RUBCN: variants seen among roughly 807,000 people sequenced by gnomAD.
RUBCN encodes rubicon autophagy regulator, also known as run domain Beclin-1-interacting and cysteine-rich domain-containing protein.
Under a neutral mutation model 113.2 loss-of-function variants are expected in RUBCN, and 74 were observed. The observed-to-expected ratio is 0.65, with a 90% confidence interval of 0.54 to 0.79. The LOEUF is 0.79. RUBCN is among the 30% of genes least tolerant of loss of function. The pLI, the probability that RUBCN is intolerant of heterozygous loss-of-function variation, is 0.00. For missense variants in RUBCN, 1,109 were observed against 1,251.7 expected (o/e 0.89, Z 1.72); for synonymous variants, 480 against 490.0 (o/e 0.98, Z 0.27).
upstream of RUBCN, among the ~76,000 whole-genome samples, chr3:197,737,723 T>G (rs1258858989): frequency 1.3e-5 from 2 of 152,136 alleles, no homozygotes; most frequent in East Asian, 3.8e-4. Context: ...AAGCCACTTT[T>G]GACAATGTGG....
chr3:197,701,331 T>A (rs1723643600), intron 6 of RUBCN, among the ~76,000 whole-genome samples, 185 bp from the exon 7 acceptor site: 1 of 152,214 alleles, frequency 6.6e-6, no homozygotes, highest in South Asian at 2.1e-4. Flanking sequence ...TTATTGCTTA[T>A]TAGTATGCAT....
chr3:197,669,189 G>A lies in RUBCN; in HGVS notation c.*5829C>T, dbSNP rs536856792. On this transcript the variant is annotated 3_prime_UTR_variant, in exon 20 of 20. Transcript: ENST00000296343. ...TACCATCTTACATTACTGTAGTACTGGACATTTCCCAAAACTAAGGAACCA... is the reference window on the plus strand; with the variant it reads ...TACCATCTTACATTACTGTAGTACTAGACATTTCCCAAAACTAAGGAACCA... Among the ~76,000 whole-genome samples the A allele has an allele frequency of 5.9e-5, 9 of 152,212 alleles. No individual in the cohort carries two copies. In the South Asian group the frequency reaches 1.9e-3, roughly 32 times the overall value.
At chr3:197,678,515 C>T (rs1289122015) in intron 16 of RUBCN, among the ~76,000 whole-genome samples, 12 of 149,762 alleles carry the variant, frequency 8.0e-5, no homozygotes, top group Non-Finnish European at 1.6e-4. Context: ...GACTGTCCTA[C>T]GCTCTAACAA....
At chr3:197,693,897 C>G (rs1320720419) in intron 10 of RUBCN, 81 bp from the exon 11 acceptor site, 1 of 894,940 alleles carries the variant, frequency 1.1e-6, no homozygotes, top group Non-Finnish European at 1.9e-6. Context: ...TATAAGGGAT[C>G]TGATATGACC....
In RUBCN at chr3:197,724,486, T is replaced by A. The variant is rs114458338; in HGVS notation, c.66-6356A>T. Among the ~76,000 whole-genome samples the A allele has an allele frequency of 4.2e-3, 646 of 152,330 alleles. 5 individuals carry two copies. Among genetic ancestry groups the A allele is most frequent in the Non-Finnish European group, 7.8e-3 (529 of 68,024 alleles). On this transcript the variant is annotated intron_variant, in intron 1 of 19. Coordinates refer to ENST00000296343, the MANE Select transcript of RUBCN (RefSeq NM_014687.4). ...GGTAAGAAATAGATACTGGTCTATC[T>A]TCAATCCCCAAATACTCTTTTTAGT...
In RUBCN at chr3:197,670,178, T is replaced by G. The variant is rs1216455547; in HGVS notation, c.*4840A>C. Among the ~76,000 whole-genome samples the G allele has an allele frequency of 6.6e-6, 1 of 152,260 alleles. No homozygotes were observed. Among genetic ancestry groups the G allele is most frequent in the Non-Finnish European group, 1.5e-5 (1 of 68,044 alleles). Reference sequence around the variant, plus strand: ...CTGGGATTACAGGCGTGAGCCACTGTGTGCGGCTCACTATCATAATTTTTA... The same window carrying G: ...CTGGGATTACAGGCGTGAGCCACTGGGTGCGGCTCACTATCATAATTTTTA... On this transcript the variant is annotated 3_prime_UTR_variant, in exon 20 of 20. Transcript: ENST00000296343.
intron 2 of RUBCN, among the ~76,000 whole-genome samples, chr3:197,717,244 C>A (rs1379289912): frequency 6.6e-6 from 1 of 151,894 alleles, no homozygotes; most frequent in Non-Finnish European, 1.5e-5. Context: ...ACCACTGAGA[C>A]CATCCTGGCT....
At position 197,681,135 on chromosome 3, in the gene RUBCN, T is replaced by G. The variant is rs764138486; in HGVS notation, c.2424A>C (p.Gln808His). 3.0e-5 allele frequency: 48 copies of G among 1,611,118 alleles called. No homozygotes were observed. The highest frequency in any genetic ancestry group is 3.9e-5 in the Non-Finnish European group (46 of 1,177,556). ...ALYRKVKLLN[Q>H]VRLLRVQLCH... Reference sequence around the variant, plus strand: ...GCCTTTTCCAAGGTCTTACCCGGACTTGATTGAGCAGCTTGACCTTCCTAT... The same window carrying G: ...GCCTTTTCCAAGGTCTTACCCGGACGTGATTGAGCAGCTTGACCTTCCTAT... The change falls in exon 16 of 20, where the codon CAA becomes CAC. Residue 808 changes from glutamine to histidine, a missense_variant. Physicochemically the swap from Gln to His is conservative, Grantham distance 24. This residue lies in a region of RUBCN where 306 missense variants were observed against 348.9 expected (regional missense o/e 0.88). Coordinates refer to ENST00000296343, the MANE Select transcript of RUBCN (RefSeq NM_014687.4). This position sits in a 1 kb window ranked among gnomAD's most constrained non-coding sequence, Gnocchi z 5.5.
chr3:197,748,487 A>G (rs565334800), intron 1 of RUBCN: 3 of 152,290 alleles, frequency 2.0e-5, no homozygotes, highest in African/African-American at 7.2e-5. Flanking sequence ...ACCTTTGAGA[A>G]TAAGAAGTTA....
At chr3:197,740,537 G>GCAA (rs1728485098), upstream of RUBCN, among the ~76,000 whole-genome samples, 5 of 152,188 alleles carry the variant, frequency 3.3e-5, no homozygotes, top group African/African-American at 4.8e-5. Context: ...ACCATAATTG[G>GCAA]ATAATAGTAC....
chr3:197,713,968 C>CG (rs1236186768), intron 2 of RUBCN, among the ~76,000 whole-genome samples: 1 of 151,590 alleles, frequency 6.6e-6, no homozygotes, highest in Non-Finnish European at 1.5e-5. Context: ...CCCAGCTACT[C>CG]GGGAGGCTGA....
Position 197,690,394 on chromosome 3 carries a change from C to T in RUBCN, c.1786+3321G>A, listed in dbSNP as rs536671356. ...CAGAGGTTGCAGTGAGCCGAGATTG[C>T]GCCATTGCACTCCAGCATGGGCAAC... On this transcript the variant is annotated intron_variant, in intron 11 of 19. Transcript: ENST00000296343. Among the ~76,000 whole-genome samples the T allele has an allele frequency of 1.1e-4, 16 of 152,262 alleles. No homozygotes were observed. The South Asian group carries it at 2.7e-3, about 26-fold the overall frequency.
chr3:197,712,735 A>C (rs1725092049), intron 2 of RUBCN, among the ~76,000 whole-genome samples: 2 of 152,338 alleles, frequency 1.3e-5, no homozygotes, highest in Admixed American at 6.5e-5. Context: ...GGCATGTAAA[A>C]AAGGAGAGAG....
chr3:197,701,682 A>T, intron 6 of RUBCN, 26 bp downstream of exon 6: 2 of 1,610,892 alleles, frequency 1.2e-6, no homozygotes, highest in Non-Finnish European at 1.7e-6. Context: ...GATAAATGTA[A>T]TGACCACTTT....
At position 197,669,467 on chromosome 3, in the gene RUBCN, G is replaced by GT. The variant is rs1251404558; in HGVS notation, c.*5550dup. 1.3e-5 allele frequency among the ~76,000 whole-genome samples: 2 copies of GT among 152,148 alleles called. No individual in the cohort carries two copies. The highest frequency in any genetic ancestry group is 2.9e-5 in the Non-Finnish European group (2 of 68,018). On this transcript the variant is annotated 3_prime_UTR_variant, in exon 20 of 20. Transcript: ENST00000296343. ...TGCTCCTGTGTTTATGTTGTTTGTTGTTTTTCTCATGATTAGACTGAGGTT... is the reference window on the plus strand; with the variant it reads ...TGCTCCTGTGTTTATGTTGTTTGTTGTTTTTTCTCATGATTAGACTGAGGTT...
At chr3:197,710,536 G>T (rs1724841768) in intron 2 of RUBCN, among the ~76,000 whole-genome samples, 1 of 151,716 alleles carries the variant, frequency 6.6e-6, no homozygotes, top group Non-Finnish European at 1.5e-5. Flanking sequence ...AGAGTCAGAG[G>T]CTGCGGTGAG....
intron 1 of RUBCN, among the ~76,000 whole-genome samples, chr3:197,745,263 C>T (rs543411066): frequency 7.6e-6 from 1 of 131,324 alleles, no homozygotes; most frequent in South Asian, 2.4e-4. Flanking sequence ...CCAGCCTGGG[C>T]AACAGAGAGA....
intron 8 of RUBCN, 116 bp from the exon 9 acceptor site, chr3:197,696,097 A>G: frequency 1.0e-6 from 1 of 963,212 alleles, no homozygotes; most frequent in Non-Finnish European, 1.6e-6. Flanking sequence ...GGTTGGAAGA[A>G]GATGTCCACC....
rs183795725 is a variant in RUBCN, at chr3:197,678,118, C to T, written c.2431-577G>A. Among the ~76,000 whole-genome samples the T allele has an allele frequency of 7.1e-3, 932 of 131,550 alleles. 8 individuals carry two copies. Among genetic ancestry groups the T allele is most frequent in the Non-Finnish European group, 9.6e-3 (628 of 65,130 alleles). The allele number at this position is 131,550 out of a possible 152,430, so 86.3% of individuals were successfully genotyped here. ...TGACAACTGGCTTCAGACTGTCCTA[C>T]GCTCTAACTCGACACCTGGCTTCAG... On this transcript the variant is annotated intron_variant, in intron 16 of 19. Coordinates refer to ENST00000296343, the MANE Select transcript of RUBCN (RefSeq NM_014687.4).
Sources: allele counts gnomAD v4.1 joint callset (sites outside exome capture counted in the v4.1 genomes callset), GRCh38; gene constraint gnomAD v4.1.1; regional missense constraint gnomAD v4.1.1; non-coding constraint Gnocchi (gnomAD v3.1); transcripts MANE v1.5; gene names NCBI Gene and HGNC (gene_info 2026-07-23, HGNC 2026-07-21).